L3MBTL4: variants seen among roughly 807,000 people sequenced by gnomAD.
L3MBTL4 encodes the protein L3MBTL histone methyl-lysine binding protein 4.
In L3MBTL4, 70 loss-of-function variants were observed where a neutral mutation model predicts 84.5. The ratio of observed to expected loss-of-function variants is 0.83; its 90% confidence interval spans 0.68 to 1.01. L3MBTL4 has a LOEUF of 1.01. L3MBTL4 is among the 50% of genes least tolerant of loss of function. The probability of loss-of-function intolerance (pLI) is 0.00; values close to 1 mark genes in which losing one functional copy is unlikely to be tolerated. For missense variants in L3MBTL4, 715 were observed against 754.8 expected, an observed-to-expected ratio of 0.95 and a Z score of 0.62; for synonymous variants, 274 against 259.8, an observed-to-expected ratio of 1.05 and a Z score of -0.52.
At chr18:6,370,349 A>G (rs2054109266) in intron 1 of L3MBTL4, among the ~76,000 whole-genome samples, 1 of 152,210 alleles carries the variant, frequency 6.6e-6, no homozygotes, top group East Asian at 1.9e-4. Context: ...GAAAAATTAC[A>G]TACAATCAAA....
intron 1 of L3MBTL4, among the ~76,000 whole-genome samples, chr18:6,388,197 C>A (rs2054903550): frequency 1.3e-5 from 2 of 152,106 alleles, no homozygotes; most frequent in South Asian, 2.1e-4. Flanking sequence ...CAAGTACCAA[C>A]AATCCACTCC....
At chr18:6,072,187 T>C (rs2057682071) in intron 16 of L3MBTL4, among the ~76,000 whole-genome samples, 1 of 152,120 alleles carries the variant, frequency 6.6e-6, no homozygotes, top group African/African-American at 2.4e-5. Context: ...GAAAACCAGG[T>C]AATATCACAA....
intron 5 of L3MBTL4, chr18:6,259,588 C>T (rs1237688420): frequency 6.6e-6 from 1 of 151,022 alleles, no homozygotes; most frequent in Non-Finnish European, 1.5e-5. Flanking sequence ...CTTCTCCTTT[C>T]TCCTTCTCCA....
At chr18:6,304,240 A>G (rs1345536154) in intron 3 of L3MBTL4, among the ~76,000 whole-genome samples, 1 of 152,198 alleles carries the variant, frequency 6.6e-6, no homozygotes, top group African/African-American at 2.4e-5. Context: ...AACAAAATGT[A>G]TCAGTGTCTT....
chr18:6,319,000 T>C (rs1195734968), intron 1 of L3MBTL4, among the ~76,000 whole-genome samples: 3 of 152,048 alleles, frequency 2.0e-5, no homozygotes, highest in East Asian at 3.9e-4. Context: ...TATAAATACA[T>C]GGAAAGTAAA....
At chr18:6,166,561 C>T (rs2043669007) in intron 13 of L3MBTL4, among the ~76,000 whole-genome samples, 1 of 152,290 alleles carries the variant, frequency 6.6e-6, no homozygotes, top group African/African-American at 2.4e-5. Context: ...AACTGAACAA[C>T]CTGCTCCTGA....
chr18:6,071,331 C>T (rs527962451), intron 16 of L3MBTL4, among the ~76,000 whole-genome samples: 1 of 149,202 alleles, frequency 6.7e-6, no homozygotes, highest in South Asian at 2.1e-4. Flanking sequence ...GTGGAGGTTG[C>T]AGGAAGCCAG....
intron 1 of L3MBTL4, among the ~76,000 whole-genome samples, chr18:6,350,553 GAA>G (rs56235442): frequency 4.8e-4 from 69 of 142,276 alleles, no homozygotes; most frequent in African/African-American, 1.7e-3. Context: ...ATATAAAAAA[GAA>G]AAAAAAAAAC....
At chr18:6,091,134 G>A (rs527272531) in intron 15 of L3MBTL4, among the ~76,000 whole-genome samples, 7 of 152,208 alleles carry the variant, frequency 4.6e-5, no homozygotes, top group Non-Finnish European at 4.4e-5. Context: ...AGGCAGCCTC[G>A]GGACAGTACT....
chr18:6,021,507 C>T (rs2055257670), intron 16 of L3MBTL4, among the ~76,000 whole-genome samples: 1 of 152,146 alleles, frequency 6.6e-6, no homozygotes, highest in South Asian at 2.1e-4. Flanking sequence ...GTTGGAAGCA[C>T]CGCGGCGTGC....
chr18:6,233,574 C>A (rs1175725324), intron 10 of L3MBTL4, among the ~76,000 whole-genome samples: 29 of 151,096 alleles, frequency 1.9e-4, no homozygotes, highest in African/African-American at 5.7e-4. Context: ...CAATTGCTTC[C>A]AAGAGAATAA....
chr18:6,029,573 G>A lies in L3MBTL4; in HGVS notation c.1444+51308C>T, dbSNP rs151248444. The A allele has an allele frequency of 7.1e-6, 7 of 985,304 alleles. No homozygotes were observed. The East Asian group carries it at 5.7e-4, about 80-fold the overall frequency. 61.0% of individuals were successfully genotyped at this position (985,304 alleles called of 1,614,324 possible). A position where few individuals can be genotyped will look rare whatever the true frequency, so the allele number is the denominator to read the frequency against. Reference sequence around the variant, plus strand: ...GTCCATTTATTGCAGCAACAAAAACGATAAACTGCTTAGGAATAAACTTCG... The same window carrying A: ...GTCCATTTATTGCAGCAACAAAAACAATAAACTGCTTAGGAATAAACTTCG... On this transcript the variant is annotated intron_variant, in intron 16 of 18. Transcript: ENST00000317931.
chr18:6,181,418 T>G (rs2044466736), intron 12 of L3MBTL4, among the ~76,000 whole-genome samples: 1 of 152,042 alleles, frequency 6.6e-6, no homozygotes, highest in Non-Finnish European at 1.5e-5. Flanking sequence ...CTCTGTTTCC[T>G]GGGTTCAAGC....
At chr18:6,239,197 C>G (rs138052146) in intron 9 of L3MBTL4, among the ~76,000 whole-genome samples, 2,075 of 151,516 alleles carry the variant, frequency 0.014, 49 homozygotes, top group African/African-American at 0.047. Context: ...AAAAATTAGC[C>G]GGGCGTAGTG....
At chr18:6,220,393 G>T (rs966045192) in intron 10 of L3MBTL4, among the ~76,000 whole-genome samples, 6 of 152,104 alleles carry the variant, frequency 3.9e-5, no homozygotes, top group Non-Finnish European at 8.8e-5. Context: ...TCAAGTTCTT[G>T]TACTTGTTGT....
At chr18:6,303,870 C>T (rs2050452677) in intron 3 of L3MBTL4, among the ~76,000 whole-genome samples, 3 of 151,934 alleles carry the variant, frequency 2.0e-5, no homozygotes, top group Admixed American at 1.3e-4. Context: ...AAAAATTAGC[C>T]GGGCGTAGTG....
intron 14 of L3MBTL4, among the ~76,000 whole-genome samples, chr18:6,105,952 G>T (rs2058991460): frequency 6.6e-6 from 1 of 152,186 alleles, no homozygotes; most frequent in African/African-American, 2.4e-5. Flanking sequence ...AATATTAAGA[G>T]CAACAACAGG....
At chr18:6,038,555 C>A (rs1461263699) in intron 16 of L3MBTL4, among the ~76,000 whole-genome samples, 2 of 152,048 alleles carry the variant, frequency 1.3e-5, no homozygotes, top group Admixed American at 1.3e-4. Flanking sequence ...CACCTGGCCT[C>A]TGGATCATTT....
intron 10 of L3MBTL4, among the ~76,000 whole-genome samples, chr18:6,227,073 G>T (rs1349998276): frequency 6.6e-6 from 1 of 151,916 alleles, no homozygotes; most frequent in Non-Finnish European, 1.5e-5. Flanking sequence ...AAAATAAAGG[G>T]GACAATTCTT....
Sources: gnomAD v4.1 joint callset for allele counts (sites outside exome capture counted in the v4.1 genomes callset) on GRCh38, gnomAD v4.1.1 for gene constraint, MANE v1.5 for transcripts, NCBI Gene and HGNC (gene_info 2026-07-23, HGNC 2026-07-21) for gene names.